EXOC4: variants seen among roughly 807,000 people sequenced by gnomAD.
EXOC4 encodes SEC8-like 1.
A neutral mutation model predicts 107.2 loss-of-function variants in EXOC4; 71 were observed. That is an observed-to-expected ratio of 0.66 (90% CI 0.55 to 0.81). EXOC4 has a LOEUF of 0.81. Among genes scored for constraint, EXOC4 ranks in the 30% least tolerant of loss-of-function variants. The pLI is 0.00. For missense variants in EXOC4, 1,108 were observed against 1,189.6 expected (o/e 0.93, Z 1.01); for synonymous variants, 456 against 441.2 (o/e 1.03, Z -0.42).
chr7:134,096,754 C>T, the EXOC4 span, among the ~76,000 whole-genome samples: 5 of 152,152 alleles, frequency 3.3e-5, no homozygotes, highest in Non-Finnish European at 7.3e-5. Context: ...AAATCAAGTG[C>T]TCCCACGTTC....
At chr7:133,748,681 A>AG (rs1173577415) in intron 10 of EXOC4, among the ~76,000 whole-genome samples, 1 of 152,176 alleles carries the variant, frequency 6.6e-6, no homozygotes, top group Non-Finnish European at 1.5e-5. Context: ...CCCTTCCCTG[A>AG]GAGGGTCATA....
intron 7 of EXOC4, among the ~76,000 whole-genome samples, chr7:133,380,968 T>C (rs1796607018): frequency 6.6e-6 from 1 of 152,222 alleles, no homozygotes; most frequent in African/African-American, 2.4e-5. Flanking sequence ...CGCACTTTTC[T>C]TCGCCTCTTA....
chr7:133,277,613 A>G (rs2150528039), intron 2 of EXOC4, among the ~76,000 whole-genome samples: 1 of 152,358 alleles, frequency 6.6e-6, no homozygotes, highest in Middle Eastern at 3.4e-3. Flanking sequence ...AGCAAAAGAA[A>G]ATAACAATGA....
rs542498276 is a variant in EXOC4, at chr7:133,313,821, C to A, written c.657-3463C>A. On this transcript the variant is annotated intron_variant, in intron 4 of 17. Coordinates refer to ENST00000253861, the MANE Select transcript of EXOC4 (RefSeq NM_021807.4). ...TGTTTTGGGTTTAATTTGTTGTATA[C>A]TTTTCCTGTCCTCTACCATGTTGCT... 5.6e-4 allele frequency among the ~76,000 whole-genome samples: 85 copies of A among 152,220 alleles called. 1 individual carries two copies. Among genetic ancestry groups the A allele is most frequent in the African/African-American group, 1.9e-3 (80 of 41,548 alleles).
rs750885840 is a variant in EXOC4 at position 133,275,062 on chromosome 7, G to C, written c.167G>C (p.Arg56Pro). The C allele has an allele frequency of 8.7e-5, 141 of 1,613,678 alleles. No homozygotes were observed. The highest frequency in any genetic ancestry group is 1.2e-4 in the Non-Finnish European group (141 of 1,179,778). ...RLEEAYEKCD[R>P]DLDELIVQHY... ...GAAGAAGCCTACGAGAAATGTGACC[G>C]TGACCTGGATGAATTGATTGTACAG... The change falls in exon 2 of 18, where the codon CGT becomes CCT. Residue 56 changes from arginine to proline, a missense_variant. By Grantham distance (103) the Arg-to-Pro change is moderately radical. Coordinates refer to ENST00000253861, the MANE Select transcript of EXOC4 (RefSeq NM_021807.4).
intron 10 of EXOC4, among the ~76,000 whole-genome samples, chr7:133,685,228 G>A (rs1443114059): frequency 6.6e-6 from 1 of 152,114 alleles, no homozygotes; most frequent in Admixed American, 6.5e-5. Flanking sequence ...TAATCCCCAC[G>A]TGTTAAGGGA....
At chr7:133,893,956 G>A (rs1799244412) in intron 11 of EXOC4, among the ~76,000 whole-genome samples, 1 of 91,110 alleles carries the variant, frequency 1.1e-5, no homozygotes, top group Non-Finnish European at 2.0e-5. Context: ...TGTATTTCCT[G>A]AATCTGAACG....
chr7:133,436,613 G>A (rs978103316), intron 7 of EXOC4, among the ~76,000 whole-genome samples: 3 of 151,828 alleles, frequency 2.0e-5, no homozygotes, highest in Non-Finnish European at 4.4e-5. Flanking sequence ...CCTGATCAAA[G>A]AAATAAGACA....
chr7:133,652,021 A>G (rs1294240691), intron 10 of EXOC4, among the ~76,000 whole-genome samples: 1 of 152,068 alleles, frequency 6.6e-6, no homozygotes, highest in Non-Finnish European at 1.5e-5. Context: ...TGATAGATTG[A>G]TTTTCATTAT....
chr7:133,804,714 G>C (rs555395420), intron 10 of EXOC4, among the ~76,000 whole-genome samples: 106 of 152,242 alleles, frequency 7.0e-4, no homozygotes, highest in African/African-American at 2.5e-3. Flanking sequence ...GTAATGTTCA[G>C]CTTAGGCCAG....
chr7:133,626,862 C>A (rs1802469481), intron 9 of EXOC4, among the ~76,000 whole-genome samples: 1 of 152,128 alleles, frequency 6.6e-6, no homozygotes, highest in Non-Finnish European at 1.5e-5. Flanking sequence ...CACACCTACT[C>A]CCTATACAGC....
At chr7:133,744,937 A>G (rs1353486755) in intron 10 of EXOC4, among the ~76,000 whole-genome samples, 1 of 152,158 alleles carries the variant, frequency 6.6e-6, no homozygotes, top group South Asian at 2.1e-4. Flanking sequence ...TGATGATTTC[A>G]TGGTGAAACT....
the EXOC4 span, among the ~76,000 whole-genome samples, chr7:134,076,158 C>T: frequency 6.6e-6 from 1 of 152,086 alleles, no homozygotes; most frequent in Non-Finnish European, 1.5e-5. Flanking sequence ...AATTTAGAGG[C>T]TGAAGGATGA....
At position 133,306,071 on chromosome 7, in the gene EXOC4, G is replaced by A; in HGVS notation, c.656+10G>A. The A allele has an allele frequency of 1.2e-6, 2 of 1,604,728 alleles. No individual in the cohort carries two copies. The highest frequency in any genetic ancestry group is 1.7e-6 in the Non-Finnish European group (2 of 1,174,916). Reference sequence around the variant, plus strand: ...AAAAAGGGAAAATCAGGTTAAAGAGGCTCTTTGCTATAAGTGTCTTGTGGC... The same window carrying A: ...AAAAAGGGAAAATCAGGTTAAAGAGACTCTTTGCTATAAGTGTCTTGTGGC... On this transcript the variant is annotated intron_variant, in intron 4 of 17. Coordinates refer to ENST00000253861, the MANE Select transcript of EXOC4 (RefSeq NM_021807.4).
At chr7:133,884,383 G>A (rs186171411) in intron 11 of EXOC4, among the ~76,000 whole-genome samples, 8 of 152,236 alleles carry the variant, frequency 5.3e-5, no homozygotes, top group African/African-American at 1.9e-4. Context: ...AAAACTCGGG[G>A]CCTCAATCCC....
At chr7:133,913,494 C>T (rs559037712) in intron 12 of EXOC4, among the ~76,000 whole-genome samples, 1 of 152,222 alleles carries the variant, frequency 6.6e-6, no homozygotes, top group South Asian at 2.1e-4. Context: ...AGCAGTGAAC[C>T]TGGACAGGAA....
intron 2 of EXOC4, among the ~76,000 whole-genome samples, chr7:133,283,178 C>G (rs1179930308): frequency 6.6e-6 from 1 of 152,168 alleles, no homozygotes. Flanking sequence ...AGTCGGCTCA[C>G]TGTAGCCTCG....
chr7:133,908,570 C>A (rs935995132), intron 12 of EXOC4, among the ~76,000 whole-genome samples: 22 of 152,340 alleles, frequency 1.4e-4, no homozygotes, highest in African/African-American at 4.8e-4. Flanking sequence ...GGCTGACCAC[C>A]ATCCAGTTCC....
intron 10 of EXOC4, among the ~76,000 whole-genome samples, chr7:133,639,347 A>G (rs888463106): frequency 6.6e-6 from 1 of 151,802 alleles, no homozygotes; most frequent in East Asian, 1.9e-4. Context: ...AATACCAAAG[A>G]CTCTTCTTTG....
Sources: allele counts gnomAD v4.1 joint callset (sites outside exome capture counted in the v4.1 genomes callset), GRCh38; gene constraint gnomAD v4.1.1; transcripts MANE v1.5; gene names NCBI Gene and HGNC (gene_info 2026-07-23, HGNC 2026-07-21).